The following PLCZ1 variants were observed in gnomAD, a reference collection of about 807,000 sequenced individuals.
PLCZ1 encodes phospholipase C zeta 1, also known as 1-phosphatidylinositol 4,5-bisphosphate phosphodiesterase zeta-1.
PLCZ1 carries 64 observed loss-of-function variants against 76.8 expected under a neutral mutation model. The ratio of observed to expected loss-of-function variants is 0.83; its 90% CI spans 0.68 to 1.03. The LOEUF is 1.03. Among genes scored for constraint, PLCZ1 ranks in the 50% least tolerant of loss-of-function variants. PLCZ1 has a pLI of 0.00. For synonymous variants in PLCZ1, 248 were observed against 230.8 expected (o/e 1.07, Z -0.68); for missense variants, 751 against 713.7 (o/e 1.05, Z -0.60).
At chr12:18,666,465 G>T in the PLCZ1 span, among the ~76,000 whole-genome samples, 3 of 152,042 alleles carry the variant, frequency 2.0e-5, no homozygotes, top group Non-Finnish European at 4.4e-5. Context: ...CAAGGTGATT[G>T]TTGCACGAGA....
the PLCZ1 span, among the ~76,000 whole-genome samples, chr12:18,671,994 G>A: frequency 6.6e-6 from 1 of 151,928 alleles, no homozygotes; most frequent in African/African-American, 2.4e-5. Flanking sequence ...CATACATGAG[G>A]GCTACATCAT....
At chr12:18,654,000 G>T in the PLCZ1 span, among the ~76,000 whole-genome samples, 3 of 151,970 alleles carry the variant, frequency 2.0e-5, no homozygotes, top group Non-Finnish European at 4.4e-5. Flanking sequence ...GCTTAAAAAA[G>T]AGCCTCATTT....
At chr12:18,676,805 G>T in the PLCZ1 span, among the ~76,000 whole-genome samples, 1 of 152,136 alleles carries the variant, frequency 6.6e-6, no homozygotes. Context: ...AGAAGGGAAA[G>T]ATTATGCTAG....
intron 3 of PLCZ1, among the ~76,000 whole-genome samples, chr12:18,731,414 G>GCAA (rs1351474814): frequency 3.3e-5 from 5 of 151,884 alleles, no homozygotes; most frequent in African/African-American, 4.8e-5. Context: ...ACTCTATAAT[G>GCAA]CAACTCACTG....
chr12:18,674,394 A>G, the PLCZ1 span, among the ~76,000 whole-genome samples: 1 of 115,812 alleles, frequency 8.6e-6, no homozygotes, highest in Non-Finnish European at 2.1e-5. Flanking sequence ...TGTGAGATTT[A>G]TGACAGTGGA....
chr12:18,723,466 T>C lies in PLCZ1; in HGVS notation c.212A>G (p.Glu71Gly). ...RAIYRIITHR[E>G]EIIEIFNTYS... ...TGTGTTGAAAATCTCAATAATTTCT[T>C]CTCTGTGCGTGATAATTCGATAAAT... is the stretch of plus-strand genomic sequence containing the variant. Residue 71 changes from glutamate to glycine, a missense_variant, in exon 4 of 15, where the codon GAA (glutamate) becomes GGA (glycine). By Grantham distance (98) the Glu-to-Gly change is moderately conservative. Transcript: ENST00000266505. 6.2e-7 allele frequency: 1 copy of C among 1,613,098 alleles called. No individual in the cohort carries two copies. The highest frequency in any genetic ancestry group is 8.5e-7 in the Non-Finnish European group (1 of 1,179,480).
At chr12:18,709,668 G>A (rs1040975286) in intron 6 of PLCZ1, among the ~76,000 whole-genome samples, 2 of 151,996 alleles carry the variant, frequency 1.3e-5, no homozygotes, top group Non-Finnish European at 2.9e-5. Flanking sequence ...GATCTTCTGA[G>A]GCTGGGACTT....
chr12:18,724,439 G>C (rs1958630296), intron 3 of PLCZ1, among the ~76,000 whole-genome samples: 1 of 152,048 alleles, frequency 6.6e-6, no homozygotes, highest in Non-Finnish European at 1.5e-5. Flanking sequence ...TCAGCTAAGA[G>C]GGAGATTTAA....
the PLCZ1 span, among the ~76,000 whole-genome samples, chr12:18,664,242 T>A: frequency 6.6e-6 from 1 of 152,208 alleles, no homozygotes; most frequent in African/African-American, 2.4e-5. Context: ...AACATAGATT[T>A]ACCACATAAT....
the PLCZ1 span, among the ~76,000 whole-genome samples, chr12:18,665,895 A>G: frequency 2.0e-5 from 3 of 148,912 alleles, no homozygotes; most frequent in Non-Finnish European, 4.4e-5. Context: ...AGATCGCGCC[A>G]TTGTACTCCA....
intron 13 of PLCZ1, 37 bp from the exon 14 acceptor site, chr12:18,684,316 A>T: frequency 6.4e-7 from 1 of 1,554,666 alleles, no homozygotes; most frequent in South Asian, 1.1e-5. Context: ...AGAATAATAG[A>T]TACCATATCT....
At chr12:18,729,084 C>G (rs1404872719) in intron 3 of PLCZ1, among the ~76,000 whole-genome samples, 1 of 152,024 alleles carries the variant, frequency 6.6e-6, no homozygotes, top group Non-Finnish European at 1.5e-5. Context: ...TATTTCTTTA[C>G]TCAAGAAATT....
intron 5 of PLCZ1, chr12:18,714,595 AG>A (rs1456091485): frequency 6.6e-6 from 1 of 152,160 alleles, no homozygotes; most frequent in East Asian, 1.9e-4. Context: ...AGGTTAAAAA[AG>A]CTCCCTTGTC....
rs1430870924 is a variant in PLCZ1, at chr12:18,720,501, C to G, written c.368-869G>C. On this transcript the variant is annotated intron_variant, in intron 4 of 14. Transcript: ENST00000266505. ...AGCAGAAGACTGGCTCTGGAAACAG[C>G]CTGGACTCATATCCATTTAACTTGT... Among the ~76,000 whole-genome samples the G allele has an allele frequency of 1.9e-4, 28 of 151,154 alleles. No homozygotes were observed. The Admixed American group carries it at 1.9e-3, about 10-fold the overall frequency.
Position 18,696,131 on chromosome 12 carries a change from A to C in PLCZ1, c.1291+19T>G. 8.3e-7 allele frequency: 1 copy of C among 1,210,408 alleles called. No individual in the cohort carries two copies. The highest frequency in any genetic ancestry group is 1.2e-6 in the Non-Finnish European group (1 of 819,684). The allele number at this position is 1,210,408 out of a possible 1,614,324, so 75.0% of individuals were successfully genotyped here. A position where few individuals can be genotyped will look rare whatever the true frequency, so the allele number is the denominator to read the frequency against. ...TTTATGTTACTTCTGCAAACAACTC[A>C]ATATCGTATATAACATACCCATTTG... On this transcript the variant is annotated intron_variant, in intron 11 of 14. Transcript: ENST00000266505.
chr12:18,648,010 A>G, the PLCZ1 span: 1 of 1,595,210 alleles, frequency 6.3e-7, no homozygotes, highest in Non-Finnish European at 8.5e-7. Context: ...GGTATCCATT[A>G]GGAAACAGTA....
At chr12:18,708,613 A>G (rs1165993064) in intron 6 of PLCZ1, among the ~76,000 whole-genome samples, 2 of 152,138 alleles carry the variant, frequency 1.3e-5, no homozygotes, top group Non-Finnish European at 2.9e-5. Context: ...GTACCAATCT[A>G]CATTTCCATC....
downstream of PLCZ1, among the ~76,000 whole-genome samples, chr12:18,679,542 G>A (rs1952234275): frequency 1.3e-5 from 2 of 151,940 alleles, no homozygotes; most frequent in Middle Eastern, 3.4e-3. Context: ...GTCATTTACT[G>A]TAAACCATAG....
At chr12:18,684,336 T>C (rs371861004) in intron 13 of PLCZ1, 57 bp from the exon 14 acceptor site, 21 of 1,502,928 alleles carry the variant, frequency 1.4e-5, no homozygotes, top group African/African-American at 1.4e-4. Context: ...TAGGAAAAAA[T>C]AGATTACATT....
Sources: gnomAD v4.1 joint callset for allele counts (sites outside exome capture counted in the v4.1 genomes callset) on GRCh38, gnomAD v4.1.1 for gene constraint, MANE v1.5 for transcripts, NCBI Gene and HGNC (gene_info 2026-07-23, HGNC 2026-07-21) for gene names.